FAM234B: variants seen among roughly 807,000 people sequenced by gnomAD.
FAM234B encodes family with sequence similarity 234 member B.
A neutral mutation model predicts 69.3 loss-of-function variants in FAM234B; 33 were observed. The ratio of observed to expected loss-of-function variants is 0.48; its 90% CI spans 0.36 to 0.64. The LOEUF (loss-of-function observed/expected upper bound fraction) is 0.64, where lower values mean the gene tolerates loss of function less well. Among genes scored for constraint, FAM234B ranks in the 30% least tolerant of loss-of-function variants. FAM234B has a pLI of 0.00. For synonymous variants in FAM234B, 306 were observed against 306.9 expected (o/e 1.00, Z 0.03); for missense variants, 697 against 769.7 (o/e 0.91, Z 1.12).
chr12:13,044,504 C>T lies in FAM234B; in HGVS notation c.37+64C>T. ...GGTGTTGGAATAAGGGGAGGCGAGG[C>T]TCTGGGGGCGAGGCCGGTCGGGCCC... On this transcript the variant is annotated intron_variant, in intron 1 of 12. Coordinates refer to ENST00000197268, the MANE Select transcript of FAM234B (RefSeq NM_020853.2). This position sits in a 1 kb window ranked among gnomAD's most constrained non-coding sequence, Gnocchi z 5.6. 1 of 1,525,674 alleles carries T rather than the reference C, an allele frequency of 6.6e-7. No individual in the cohort carries two copies. Among genetic ancestry groups the T allele is most frequent in the South Asian group, 1.2e-5 (1 of 83,356 alleles). The allele number at this position is 1,525,674 out of a possible 1,614,324, so 94.5% of individuals were successfully genotyped here.
At chr12:13,054,207 A>G (rs991086907) in intron 1 of FAM234B, among the ~76,000 whole-genome samples, 11 of 152,178 alleles carry the variant, frequency 7.2e-5, no homozygotes, top group Non-Finnish European at 1.0e-4. Flanking sequence ...AGACAGGCAT[A>G]AGAAATTATA....
At chr12:13,054,981 A>G (rs1279110079) in intron 1 of FAM234B, among the ~76,000 whole-genome samples, 1 of 152,224 alleles carries the variant, frequency 6.6e-6, no homozygotes, top group Non-Finnish European at 1.5e-5. Flanking sequence ...TTCAAATCAC[A>G]GGATGGTTCT....
At chr12:13,072,729 CAAAAAA>C (rs55734917) in intron 10 of FAM234B, among the ~76,000 whole-genome samples, 1 of 89,988 alleles carries the variant, frequency 1.1e-5, no homozygotes, top group Admixed American at 1.0e-4. Context: ...GACTTTGTCT[CAAAAAA>C]AAAAAAAAAA....
intron 5 of FAM234B, among the ~76,000 whole-genome samples, chr12:13,066,400 A>G (rs1865036427): frequency 6.6e-6 from 1 of 152,224 alleles, no homozygotes; most frequent in Non-Finnish European, 1.5e-5. Flanking sequence ...GCTTCAGAGT[A>G]GCTGTCTGAG....
chr12:13,056,856 T>C (rs191832400), intron 2 of FAM234B, among the ~76,000 whole-genome samples: 59 of 152,342 alleles, frequency 3.9e-4, no homozygotes, highest in Non-Finnish European at 7.6e-4. Context: ...GAATTTTGTG[T>C]TGATTATTCC....
chr12:13,062,665 G>A (rs1170035760), intron 4 of FAM234B, 180 bp from the exon 5 acceptor site: 2 of 540,874 alleles, frequency 3.7e-6, no homozygotes, highest in Non-Finnish European at 6.6e-6. Flanking sequence ...TTTAGGATTC[G>A]GATCACACTG....
At chr12:13,065,367 A>G (rs925139173) in intron 5 of FAM234B, among the ~76,000 whole-genome samples, 1 of 152,194 alleles carries the variant, frequency 6.6e-6, no homozygotes, top group Non-Finnish European at 1.5e-5. Context: ...GCATTCTAGT[A>G]TGTCCAAATC....
rs1865064408 is a variant in FAM234B, at chr12:13,068,382, C to T, written c.1221C>T (p.Ser407=). Residue 407 remains serine, a synonymous_variant, in exon 8 of 13, where the codon AGC becomes AGT. Coordinates refer to ENST00000197268, the MANE Select transcript of FAM234B (RefSeq NM_020853.2). ...ACCTTCTGATTACAACCAGACAAAG[C>T]CTTGTGCTGCTTCGGGGGCAAAATC... ...CSNLLITTRQ[S]LVLLRGQNLT... 6.2e-7 allele frequency: 1 copy of T among 1,614,082 alleles called. No homozygotes were observed. The highest frequency in any genetic ancestry group is 1.3e-5 in the African/African-American group (1 of 74,926).
At chr12:13,062,776 G>T in intron 4 of FAM234B, 69 bp from the exon 5 acceptor site, 1 of 1,557,994 alleles carries the variant, frequency 6.4e-7, no homozygotes, top group Non-Finnish European at 8.8e-7. Flanking sequence ...TCTGGCCTGG[G>T]AACATGGCAT....
chr12:13,060,863 A>G (rs570438753), intron 3 of FAM234B, among the ~76,000 whole-genome samples: 6 of 152,332 alleles, frequency 3.9e-5, no homozygotes, highest in East Asian at 1.9e-4. Context: ...ACTAAGGATC[A>G]TGGCTACTCT....
intron 7 of FAM234B, 88 bp from the exon 8 acceptor site, chr12:13,068,216 T>C: frequency 7.6e-7 from 1 of 1,311,986 alleles, no homozygotes; most frequent in East Asian, 2.3e-5. Context: ...TGTACAGGTG[T>C]ACGTATACTG....
chr12:13,080,450 A>G (rs533916045), intron 12 of FAM234B, among the ~76,000 whole-genome samples, 175 bp from the exon 13 acceptor site: 39 of 152,342 alleles, frequency 2.6e-4, no homozygotes, highest in South Asian at 4.1e-4. Flanking sequence ...AAAGCTTATC[A>G]TGGAAAATAA....
intron 12 of FAM234B, 55 bp from the exon 13 acceptor site, chr12:13,080,570 T>C (rs1196627068): frequency 2.0e-6 from 3 of 1,472,698 alleles, no homozygotes; most frequent in Non-Finnish European, 2.8e-6. Context: ...CCTGCTTTTC[T>C]TTGAACATCT....
At chr12:13,070,199 AT>A (rs1174979348) in intron 9 of FAM234B, among the ~76,000 whole-genome samples, 19 of 145,332 alleles carry the variant, frequency 1.3e-4, no homozygotes, top group South Asian at 2.1e-4. Context: ...ATATATATAT[AT>A]ATATATATAT....
rs1865225712 is a variant in FAM234B at position 13,081,534 on chromosome 12, T to G, written c.*904T>G. The G allele has an allele frequency of 6.6e-6, 1 of 152,220 alleles. No homozygotes were observed. The highest frequency in any genetic ancestry group is 1.5e-5 in the Non-Finnish European group (1 of 68,046). The allele number at this position is 152,220 out of a possible 1,614,324, so 9.4% of individuals were successfully genotyped here. ...TGATGTCCTTATCCTGCTGTATGTCTTCTCTGCATCTTTTTCTATAGGGCA... is the reference window on the plus strand; with the variant it reads ...TGATGTCCTTATCCTGCTGTATGTCGTCTCTGCATCTTTTTCTATAGGGCA... On this transcript the variant is annotated 3_prime_UTR_variant, in exon 13 of 13. Transcript: ENST00000197268.
chr12:13,071,470 G>A (rs1165915642), intron 10 of FAM234B, 74 bp downstream of exon 10: 12 of 1,388,148 alleles, frequency 8.6e-6, no homozygotes, highest in Non-Finnish European at 1.2e-5. Context: ...CTGTGTTCTG[G>A]AGATGTTATT....
chr12:13,067,559 T>C lies in FAM234B; in HGVS notation c.1142+263T>C, dbSNP rs530040104. Among the ~76,000 whole-genome samples the C allele has an allele frequency of 6.6e-6, 1 of 152,350 alleles. No homozygotes were observed. The highest frequency in any genetic ancestry group is 2.1e-4 in the South Asian group (1 of 4,828). The stretch of plus-strand genomic sequence containing the variant: ...ATGCAAGGAAGGATACTTAGGGCTC[T>C]GAGTCAGAGTAGGGAGGGAGATAGA... On this transcript the variant is annotated intron_variant, in intron 7 of 12. Coordinates refer to ENST00000197268, the MANE Select transcript of FAM234B (RefSeq NM_020853.2). The surrounding 1 kb of genome is among the most constrained non-coding windows in gnomAD (Gnocchi z 4.7).
In FAM234B at chr12:13,044,493, G is replaced by A. The variant is rs1252152304; in HGVS notation, c.37+53G>A. On this transcript the variant is annotated intron_variant, in intron 1 of 12. Coordinates refer to ENST00000197268, the MANE Select transcript of FAM234B (RefSeq NM_020853.2). The surrounding 1 kb of genome is among the most constrained non-coding windows in gnomAD (Gnocchi z 5.6). ...CAGTCCCCGCCGGTGTTGGAATAAG[G>A]GGAGGCGAGGCTCTGGGGGCGAGGC... The A allele has an allele frequency of 6.5e-7, 1 of 1,542,192 alleles. No individual in the cohort carries two copies.
intron 4 of FAM234B, 161 bp from the exon 5 acceptor site, chr12:13,062,684 C>G (rs1197005819): frequency 1.5e-5 from 9 of 619,752 alleles, no homozygotes; most frequent in Non-Finnish European, 2.2e-5. Flanking sequence ...TGCCTGCTTC[C>G]TCCTCCTCAG....
Sources: allele counts gnomAD v4.1 joint callset (sites outside exome capture counted in the v4.1 genomes callset), GRCh38; gene constraint gnomAD v4.1.1; non-coding constraint Gnocchi (gnomAD v3.1); transcripts MANE v1.5; gene names NCBI Gene and HGNC (gene_info 2026-07-23, HGNC 2026-07-21).